The following PLCG2 variants were observed in gnomAD, a reference collection of about 807,000 sequenced individuals.
PLCG2 encodes phospholipase C gamma 2.
A neutral mutation model predicts 175.6 loss-of-function variants in PLCG2; 69 were observed. That is an observed-to-expected ratio of 0.39 (90% CI 0.32 to 0.48). The LOEUF is 0.48. Among genes scored for constraint, PLCG2 ranks in the 20% least tolerant of loss-of-function variants. The probability of loss-of-function intolerance (pLI) is 0.91; values close to 1 mark genes in which losing one functional copy is unlikely to be tolerated. For missense variants in PLCG2, 1,798 were observed against 1,650.9 expected, an observed-to-expected ratio of 1.09 and a Z score of -1.54; for synonymous variants, 827 against 624.0, an observed-to-expected ratio of 1.33 and a Z score of -4.85.
In PLCG2 at chr16:81,961,715, T is replaced by TATCA. The variant is rs1401994643; in HGVS notation, c.*3719_*3722dup. ...AAATTTTTAAAAAGATCATAGTATC[T>TATCA]ATCAAATAACTTATATTAAGAACCT... On this transcript the variant is annotated 3_prime_UTR_variant, in exon 33 of 33. Transcript: ENST00000564138. The TATCA allele has an allele frequency of 4.8e-6, 1 of 207,426 alleles. No individual in the cohort carries two copies. Among genetic ancestry groups the TATCA allele is most frequent in the Non-Finnish European group, 9.8e-6 (1 of 101,940 alleles). 12.8% of individuals were successfully genotyped at this position (207,426 alleles called of 1,614,324 possible).
chr16:81,800,196 A>G (rs1460113042), intron 2 of PLCG2, among the ~76,000 whole-genome samples: 1 of 152,146 alleles, frequency 6.6e-6, no homozygotes, highest in Non-Finnish European at 1.5e-5. Context: ...TACTATTGCT[A>G]TTATTATTGT....
rs980810415 is a variant in PLCG2, at chr16:81,961,507, C to A, written c.*3509C>A. 1.4e-5 allele frequency: 3 copies of A among 221,806 alleles called. No homozygotes were observed. The highest frequency in any genetic ancestry group is 6.7e-5 in the African/African-American group (3 of 44,848). The allele number at this position is 221,806 out of a possible 1,614,324, so 13.7% of individuals were successfully genotyped here. A position where few individuals can be genotyped will look rare whatever the true frequency, so the allele number is the denominator to read the frequency against. On this transcript the variant is annotated 3_prime_UTR_variant, in exon 33 of 33. Coordinates refer to ENST00000564138, the MANE Select transcript of PLCG2 (RefSeq NM_002661.5). ...TAGGATTATAGGATACTATATAATACTTTTGGTACAGAGATAGAATTAAAT... is the reference window on the plus strand; with the variant it reads ...TAGGATTATAGGATACTATATAATAATTTTGGTACAGAGATAGAATTAAAT...
chr16:81,746,313 T>G (rs1909703906), intron 1 of PLCG2, among the ~76,000 whole-genome samples: 1 of 151,878 alleles, frequency 6.6e-6, no homozygotes, highest in African/African-American at 2.4e-5. Flanking sequence ...AGTGCTTGAG[T>G]TTTCGCCCCC....
chr16:81,941,258 G>C (rs1454426468), intron 30 of PLCG2, among the ~76,000 whole-genome samples: 1 of 152,156 alleles, frequency 6.6e-6, no homozygotes, highest in African/African-American at 2.4e-5. Flanking sequence ...CGGGCACGGT[G>C]GCTCACTCCT....
intron 10 of PLCG2, among the ~76,000 whole-genome samples, chr16:81,889,846 G>C (rs1908548238): frequency 1.3e-5 from 2 of 152,064 alleles, no homozygotes; most frequent in Non-Finnish European, 1.5e-5. Context: ...TTAGTAGACA[G>C]GGTTTCACTA....
chr16:81,956,592 C>T (rs1430382060), intron 31 of PLCG2, 103 bp from the exon 32 acceptor site: 3 of 982,668 alleles, frequency 3.1e-6, no homozygotes, highest in Admixed American at 5.2e-5. Flanking sequence ...TGCAAAACTT[C>T]TGCCCCATGC....
At chr16:81,759,886 G>A (rs897330066) in intron 2 of PLCG2, among the ~76,000 whole-genome samples, 1 of 152,236 alleles carries the variant, frequency 6.6e-6, no homozygotes, top group African/African-American at 2.4e-5. Context: ...CAGCACTTTG[G>A]GAGGCCGAGG....
chr16:81,962,480 T>A lies in PLCG2; in HGVS notation c.*4482T>A, dbSNP rs1048772018. The A allele has an allele frequency of 4.7e-6, 1 of 213,226 alleles. No individual in the cohort carries two copies. Among genetic ancestry groups the A allele is most frequent in the Non-Finnish European group, 9.5e-6 (1 of 105,772 alleles). The allele number at this position is 213,226 out of a possible 1,614,324, so 13.2% of individuals were successfully genotyped here. ...ATCCTGCCTCTCAGAAATTTCCACA[T>A]TTCTTATTTTTCATTAGGCCTTAAG... On this transcript the variant is annotated 3_prime_UTR_variant, in exon 33 of 33. Coordinates refer to ENST00000564138, the MANE Select transcript of PLCG2 (RefSeq NM_002661.5).
intron 10 of PLCG2, among the ~76,000 whole-genome samples, chr16:81,889,890 T>A (rs1056846809): frequency 6.6e-6 from 1 of 152,060 alleles, no homozygotes; most frequent in African/African-American, 2.4e-5. Context: ...TCCTGACCCT[T>A]GTGATCAGCC....
chr16:81,742,965 C>T (rs540266069), intron 1 of PLCG2, among the ~76,000 whole-genome samples: 69 of 152,296 alleles, frequency 4.5e-4, no homozygotes, highest in African/African-American at 1.5e-3. Flanking sequence ...TTTTGGTTCT[C>T]GATACCTGCT....
intron 2 of PLCG2, among the ~76,000 whole-genome samples, chr16:81,796,521 G>C (rs1355669218): frequency 6.6e-6 from 1 of 152,238 alleles, no homozygotes; most frequent in East Asian, 1.9e-4. Flanking sequence ...GTGGGTGCCT[G>C]TTACGGATTG....
chr16:81,957,699 C>G (rs936397963), intron 32 of PLCG2, among the ~76,000 whole-genome samples: 9 of 152,138 alleles, frequency 5.9e-5, no homozygotes, highest in African/African-American at 1.9e-4. Context: ...TGCTGCCTCC[C>G]TTACTCACAT....
chr16:81,747,708 CA>C (rs1253120250), intron 1 of PLCG2, among the ~76,000 whole-genome samples: 4 of 151,642 alleles, frequency 2.6e-5, no homozygotes, highest in Non-Finnish European at 5.9e-5. Context: ...AATATTCTTG[CA>C]AAAAAATGTT....
intron 3 of PLCG2, among the ~76,000 whole-genome samples, chr16:81,857,394 C>T (rs1310077947): frequency 1.3e-5 from 2 of 152,180 alleles, no homozygotes; most frequent in African/African-American, 2.4e-5. Context: ...TGTTTAAAAT[C>T]CTGTATCTTC....
Position 81,923,744 on chromosome 16 carries a change from G to T in PLCG2, c.2417+150G>T, listed in dbSNP as rs117954043. On this transcript the variant is annotated intron_variant, in intron 22 of 32. Coordinates refer to ENST00000564138, the MANE Select transcript of PLCG2 (RefSeq NM_002661.5). ...TGTTAAGTCCCTTCTTAGGAAGGTG[G>T]CTTGGTGCATGCTCTATTTGAGAAA... 0.043 allele frequency: 24,005 copies of T among 563,918 alleles called. 706 individuals are homozygous for T. The highest frequency in any genetic ancestry group is 0.06 in the Non-Finnish European group (18,635 of 312,868). 34.9% of individuals were successfully genotyped at this position (563,918 alleles called of 1,614,324 possible).
At chr16:81,892,766 C>T (rs376780718) in intron 11 of PLCG2, among the ~76,000 whole-genome samples, 13 of 152,096 alleles carry the variant, frequency 8.5e-5, no homozygotes, top group African/African-American at 3.1e-4. Flanking sequence ...GGCATTAAGC[C>T]TACTTACTAC....
intron 23 of PLCG2, 77 bp downstream of exon 23, chr16:81,927,255 A>C: frequency 1.0e-6 from 1 of 963,642 alleles, no homozygotes; most frequent in Non-Finnish European, 1.7e-6. Context: ...GTGCCATCTC[A>C]GTGGGTGAAT....
intron 2 of PLCG2, among the ~76,000 whole-genome samples, chr16:81,847,410 C>T (rs1167600167): frequency 3.3e-5 from 5 of 152,050 alleles, no homozygotes; most frequent in African/African-American, 1.2e-4. Context: ...AGTCTTTAGC[C>T]CCTCTCTCCT....
At chr16:81,771,859 C>G (rs745763759) in intron 2 of PLCG2, among the ~76,000 whole-genome samples, 2 of 152,214 alleles carry the variant, frequency 1.3e-5, no homozygotes, top group Non-Finnish European at 2.9e-5. Flanking sequence ...TCTCCGCTCA[C>G]TGCAACCTCC....
Sources: gnomAD v4.1 joint callset for allele counts (sites outside exome capture counted in the v4.1 genomes callset) on GRCh38, gnomAD v4.1.1 for gene constraint, MANE v1.5 for transcripts, NCBI Gene and HGNC (gene_info 2026-07-23, HGNC 2026-07-21) for gene names.